RAI1: variants seen among roughly 807,000 people sequenced by gnomAD.
The protein encoded by RAI1 is retinoic acid induced 1, also known as retinoic acid-induced protein 1.
A neutral mutation model predicts 123.8 loss-of-function variants in RAI1; 9 were observed. The ratio of observed to expected loss-of-function variants is 0.07; its 90% CI spans 0.04 to 0.13. RAI1 has a LOEUF of 0.13. Among genes scored for constraint, RAI1 ranks in the 10% least tolerant of loss-of-function variants. The probability of loss-of-function intolerance (pLI) is 1.00; values close to 1 mark genes in which losing one functional copy is unlikely to be tolerated. For synonymous variants in RAI1, 1,231 were observed against 1,127.3 expected (o/e 1.09, Z -1.84); for missense variants, 2,256 against 2,545.8 (o/e 0.89, Z 2.45).
intron 2 of RAI1, among the ~76,000 whole-genome samples, chr17:17,724,969 G>C (rs1340282411): frequency 6.7e-6 from 1 of 148,334 alleles, no homozygotes; most frequent in African/African-American, 2.5e-5. Context: ...GAGTGGCCAG[G>C]CTGACAATGA....
chr17:17,711,246 G>A (rs577749776), intron 1 of RAI1, among the ~76,000 whole-genome samples: 1 of 152,332 alleles, frequency 6.6e-6, no homozygotes, highest in African/African-American at 2.4e-5. Context: ...CTCCTCGACA[G>A]AAACACACAG....
Position 17,809,342 on chromosome 17 carries a change from T to G in RAI1, c.5660-48T>G. On this transcript the variant is annotated intron_variant, in intron 4 of 5. Transcript: ENST00000353383. The surrounding 1 kb of genome is among the most constrained non-coding windows in gnomAD (Gnocchi z 4.9). The stretch of plus-strand genomic sequence containing the variant: ...GGCTGCAGACAAAACCCCACAGCTG[T>G]GGGGCCCCCACCCTGTCCTAACCAC... The G allele has an allele frequency of 6.5e-7, 1 of 1,530,840 alleles. No individual in the cohort carries two copies. Among genetic ancestry groups the G allele is most frequent in the East Asian group, 2.2e-5 (1 of 44,480 alleles). The allele number at this position is 1,530,840 out of a possible 1,614,324, so 94.8% of individuals were successfully genotyped here. A position where few individuals can be genotyped will look rare whatever the true frequency, so the allele number is the denominator to read the frequency against.
In RAI1 at chr17:17,794,892, C is replaced by T. The variant is rs750279070; in HGVS notation, c.1944C>T (p.Ala648=). ...CCTTCTCGCTGGAGAACCACAGCGCCTGCCTGGACTCTGTGGCCAAGAGTG... is the reference window on the plus strand; with the variant it reads ...CCTTCTCGCTGGAGAACCACAGCGCTTGCCTGGACTCTGTGGCCAAGAGTG... The part of the protein sequence containing the change: ...KPPFSLENHS[A]CLDSVAKSAW... The change falls in exon 3 of 6, where the codon GCC becomes GCT. Residue 648 remains alanine (A), a synonymous_variant. Coordinates refer to ENST00000353383, the MANE Select transcript of RAI1 (RefSeq NM_030665.4). 7 of 1,613,514 alleles carry T rather than the reference C, an allele frequency of 4.3e-6. No homozygotes were observed. The highest frequency in any genetic ancestry group is 5.9e-6 in the Non-Finnish European group (7 of 1,180,010).
rs1275001794 is a variant in RAI1 at position 17,797,556 on chromosome 17, G to A, written c.4608G>A (p.Lys1536=). ...PGHTNYSSYS[K]RKRLTRGRAK... ...ACACCAACTACAGCAGCTATTCCAA[G>A]CGGAAGCGCCTCACTCGGGGCCGGG... The change falls in exon 3 of 6, where the codon AAG becomes AAA. Residue 1536 remains lysine (K), a synonymous_variant. Transcript: ENST00000353383. 6.2e-7 allele frequency: 1 copy of A among 1,613,944 alleles called. No homozygotes were observed. Among genetic ancestry groups the A allele is most frequent in the Non-Finnish European group, 8.5e-7 (1 of 1,180,014 alleles).
intron 2 of RAI1, among the ~76,000 whole-genome samples, chr17:17,787,045 AAAAC>A (rs554749694): frequency 1.6e-4 from 25 of 152,338 alleles, no homozygotes; most frequent in East Asian, 1.2e-3. Context: ...CTGTCTCAAA[AAAAC>A]AAACAAACAA....
At chr17:17,751,759 C>T (rs9910075) in intron 2 of RAI1, among the ~76,000 whole-genome samples, 13,391 of 152,184 alleles carry the variant, frequency 0.088, 813 homozygotes, top group African/African-American at 0.17. Flanking sequence ...CAAATTACCT[C>T]TCTTGATGAG....
chr17:17,715,984 G>T (rs915567300), intron 1 of RAI1, among the ~76,000 whole-genome samples: 4 of 152,230 alleles, frequency 2.6e-5, no homozygotes, highest in Admixed American at 2.6e-4. Context: ...AAACTATGGC[G>T]GGGGGAATGG....
rs575469985 is a variant in RAI1, at chr17:17,710,532, G to A, written c.-148-13496G>A. On this transcript the variant is annotated intron_variant, in intron 1 of 5. Coordinates refer to ENST00000353383, the MANE Select transcript of RAI1 (RefSeq NM_030665.4). The stretch of plus-strand genomic sequence containing the variant: ...CAGAGGCTGCCAGTGGTGGCCTTTC[G>A]GCTGTTGCTGGGGAAATGGCAGCAC... Among the ~76,000 whole-genome samples, 82 of 152,308 alleles carry A rather than the reference G, an allele frequency of 5.4e-4. 1 individual carries two copies. Among genetic ancestry groups the A allele is most frequent in the South Asian group, 2.3e-3 (11 of 4,820 alleles).
At chr17:17,730,916 C>T (rs531366281) in intron 2 of RAI1, among the ~76,000 whole-genome samples, 1 of 152,358 alleles carries the variant, frequency 6.6e-6, no homozygotes, top group Non-Finnish European at 1.5e-5. Context: ...AGGGGCCTTA[C>T]TTCGGGCCCA....
intron 1 of RAI1, among the ~76,000 whole-genome samples, chr17:17,682,010 G>A (rs1914436286): frequency 6.6e-6 from 1 of 150,922 alleles, no homozygotes; most frequent in African/African-American, 2.4e-5. Flanking sequence ...GAGCTGCAGG[G>A]TGGGGGCGCC....
At position 17,797,892 on chromosome 17, in the gene RAI1, C is replaced by A. The variant is rs768343621; in HGVS notation, c.4944C>A (p.Ser1648=). ...TCTCCTTGGATGCAGCCGGGGCCTC[C>A]CTGGCCACACTCCCTGGAGGCTCCA... The part of the protein sequence containing the change: ...SSFSLDAAGA[S]LATLPGGSIL... The change falls in exon 3 of 6, where the codon TCC becomes TCA. Residue 1648 remains serine (S), a synonymous_variant. Coordinates refer to ENST00000353383, the MANE Select transcript of RAI1 (RefSeq NM_030665.4). 1 of 1,613,990 alleles carries A rather than the reference C, an allele frequency of 6.2e-7. No individual in the cohort carries two copies. The highest frequency in any genetic ancestry group is 8.5e-7 in the Non-Finnish European group (1 of 1,180,014).
chr17:17,783,730 G>C (rs1038876373), intron 2 of RAI1, among the ~76,000 whole-genome samples: 3 of 151,974 alleles, frequency 2.0e-5, no homozygotes, highest in African/African-American at 7.2e-5. Context: ...TCCTGGCCGG[G>C]GCGCCCGGTG....
chr17:17,733,148 G>A (rs1034643861), intron 2 of RAI1, among the ~76,000 whole-genome samples: 5 of 152,138 alleles, frequency 3.3e-5, no homozygotes, highest in Non-Finnish European at 7.4e-5. Context: ...TCTGGAGCTT[G>A]CCACCCTGCT....
chr17:17,761,173 C>T (rs927355906), intron 2 of RAI1, among the ~76,000 whole-genome samples: 3 of 151,916 alleles, frequency 2.0e-5, no homozygotes, highest in Admixed American at 6.5e-5. Flanking sequence ...TTGAAAGAGG[C>T]GACCCATATG....
At position 17,797,304 on chromosome 17, in the gene RAI1, G is replaced by A; in HGVS notation, c.4356G>A (p.Arg1452=). Residue 1452 remains arginine (R), a synonymous_variant, in exon 3 of 6, where the codon CGG becomes CGA. Coordinates refer to ENST00000353383, the MANE Select transcript of RAI1 (RefSeq NM_030665.4). ...LAPKKRSRKG[R]AGAHGLSKGP... is the part of the protein sequence containing the mutation. ...CTAAGAAGAGGAGCCGGAAAGGCCG[G>A]GCAGGGGCCCATGGACTCTCCAAAG... 6.2e-7 allele frequency: 1 copy of A among 1,612,698 alleles called. No homozygotes were observed. The highest frequency in any genetic ancestry group is 8.5e-7 in the Non-Finnish European group (1 of 1,179,936).
At chr17:17,779,771 CT>C (rs35262127) in intron 2 of RAI1, among the ~76,000 whole-genome samples, 62,785 of 107,850 alleles carry the variant, frequency 0.58, 17,895 homozygotes, top group Non-Finnish European at 0.64. Flanking sequence ...CCTCCCCACC[CT>C]TTTTTTTTTT....
chr17:17,686,608 T>TGCGCGCGCGCGCACGCGCGC (rs1555552150), intron 1 of RAI1, among the ~76,000 whole-genome samples: 1 of 137,764 alleles, frequency 7.3e-6, no homozygotes, highest in African/African-American at 2.8e-5. Flanking sequence ...TGTGTGTGTG[T>TGCGCGCGCGCGCACGCGCGC]GCACGCGCGC....
In RAI1 at chr17:17,681,477, C is replaced by T. The variant is rs1914409922; in HGVS notation, c.-465C>T. 3.0e-5 allele frequency: 5 copies of T among 169,318 alleles called. No homozygotes were observed. In the South Asian group the frequency reaches 1.0e-3, roughly 34 times the overall value. The allele number at this position is 169,318 out of a possible 1,614,324, so 10.5% of individuals were successfully genotyped here. A position where few individuals can be genotyped will look rare whatever the true frequency, so the allele number is the denominator to read the frequency against. On this transcript the variant is annotated 5_prime_UTR_variant, in exon 1 of 6. Coordinates refer to ENST00000353383, the MANE Select transcript of RAI1 (RefSeq NM_030665.4). ...GGGATCGCATTCCTCGCGGCACCCGCGGACACCAGGCAGGCCCGGCCGGGT... is the reference window on the plus strand; with the variant it reads ...GGGATCGCATTCCTCGCGGCACCCGTGGACACCAGGCAGGCCCGGCCGGGT...
chr17:17,687,652 G>A (rs1914685389), intron 1 of RAI1, among the ~76,000 whole-genome samples: 1 of 152,190 alleles, frequency 6.6e-6, no homozygotes, highest in Admixed American at 6.5e-5. Flanking sequence ...AGTTTTAACT[G>A]CAGCATCCCT....
Sources: allele counts gnomAD v4.1 joint callset (sites outside exome capture counted in the v4.1 genomes callset), GRCh38; gene constraint gnomAD v4.1.1; non-coding constraint Gnocchi (gnomAD v3.1); transcripts MANE v1.5; gene names NCBI Gene and HGNC (gene_info 2026-07-23, HGNC 2026-07-21).